VAV3: variants seen among roughly 807,000 people sequenced by gnomAD.
VAV3 encodes vav guanine nucleotide exchange factor 3, also known as guanine nucleotide exchange factor VAV3.
In VAV3, 94 loss-of-function variants were observed where a neutral mutation model predicts 131.2. The ratio of observed to expected loss-of-function variants is 0.72; its 90% CI spans 0.61 to 0.85. VAV3 has a LOEUF of 0.85. Among genes scored for constraint, VAV3 ranks in the 40% least tolerant of loss-of-function variants. The pLI, the probability that VAV3 is intolerant of heterozygous loss-of-function variation, is 0.00. For missense variants in VAV3, 939 were observed against 1,002.7 expected (o/e 0.94, Z 0.86); for synonymous variants, 349 against 342.0 (o/e 1.02, Z -0.22).
chr1:107,812,948 C>A (rs1667388299), intron 2 of VAV3, among the ~76,000 whole-genome samples: 1 of 151,744 alleles, frequency 6.6e-6, no homozygotes, highest in African/African-American at 2.4e-5. Context: ...ATGGTGAAAC[C>A]CCATCTCTAC....
At chr1:107,689,494 TTTC>T (rs1054941289) in intron 17 of VAV3, among the ~76,000 whole-genome samples, 1 of 152,136 alleles carries the variant, frequency 6.6e-6, no homozygotes, top group Non-Finnish European at 1.5e-5. Flanking sequence ...TGGTTTGTTT[TTTC>T]TTTTCTCTCT....
chr1:107,940,035 G>C (rs1431922445), intron 1 of VAV3, among the ~76,000 whole-genome samples: 1 of 152,094 alleles, frequency 6.6e-6, no homozygotes, highest in Non-Finnish European at 1.5e-5. Context: ...AAGTGATGGA[G>C]GAAAGATATC....
chr1:107,662,292 T>TA (rs927551259), intron 19 of VAV3, among the ~76,000 whole-genome samples: 10 of 152,070 alleles, frequency 6.6e-5, no homozygotes, highest in African/African-American at 1.4e-4. Context: ...ATTGTTTTTA[T>TA]AAAAAAACTA....
chr1:107,655,713 G>C (rs1656499746), intron 19 of VAV3, among the ~76,000 whole-genome samples: 1 of 152,068 alleles, frequency 6.6e-6, no homozygotes, highest in Admixed American at 6.6e-5. Flanking sequence ...TCATCTGACA[G>C]GGAATTAATA....
chr1:107,867,515 AG>A (rs1670051003), intron 2 of VAV3, among the ~76,000 whole-genome samples: 1 of 152,222 alleles, frequency 6.6e-6, no homozygotes, highest in African/African-American at 2.4e-5. Flanking sequence ...TTGTGTTAAC[AG>A]CCAGCCAGAC....
intron 20 of VAV3, among the ~76,000 whole-genome samples, chr1:107,638,058 C>G (rs1655064928): frequency 6.6e-6 from 1 of 152,096 alleles, no homozygotes; most frequent in Admixed American, 6.6e-5. Context: ...AGGCAATGTC[C>G]TCAACTTAAT....
intron 1 of VAV3, among the ~76,000 whole-genome samples, chr1:107,926,156 C>T (rs778047867): frequency 3.3e-5 from 5 of 151,906 alleles, no homozygotes; most frequent in African/African-American, 4.8e-5. Context: ...GTGGCAGGTG[C>T]GTGTAATACC....
intron 15 of VAV3, among the ~76,000 whole-genome samples, chr1:107,722,061 T>C (rs1268428000): frequency 6.6e-6 from 1 of 152,204 alleles, no homozygotes; most frequent in Non-Finnish European, 1.5e-5. Context: ...GTGGTTAGTA[T>C]CTGGGTATCC....
At chr1:107,823,410 T>C (rs892937221) in intron 2 of VAV3, among the ~76,000 whole-genome samples, 2 of 152,140 alleles carry the variant, frequency 1.3e-5, no homozygotes, top group African/African-American at 4.8e-5. Context: ...AGAGACCTAC[T>C]GTGCAGATTA....
intron 19 of VAV3, among the ~76,000 whole-genome samples, chr1:107,676,487 A>T (rs754554210): frequency 6.6e-6 from 1 of 152,250 alleles, no homozygotes; most frequent in Non-Finnish European, 1.5e-5. Context: ...TAGAGGAGAA[A>T]GGAGAACTAA....
At chr1:107,845,257 A>C (rs1668911316) in intron 2 of VAV3, among the ~76,000 whole-genome samples, 1 of 152,190 alleles carries the variant, frequency 6.6e-6, no homozygotes. Flanking sequence ...CGTCAACATC[A>C]ACGAAAAGGA....
chr1:107,687,863 A>G (rs1484830654), intron 18 of VAV3, among the ~76,000 whole-genome samples: 1 of 152,186 alleles, frequency 6.6e-6, no homozygotes, highest in Non-Finnish European at 1.5e-5. Flanking sequence ...CTAAGCCATT[A>G]GGAGACTCTA....
At chr1:107,697,690 A>T (rs1197531391) in intron 17 of VAV3, among the ~76,000 whole-genome samples, 3 of 152,156 alleles carry the variant, frequency 2.0e-5, no homozygotes, top group Admixed American at 6.6e-5. Context: ...TCATCTTAAA[A>T]TAAGAGGCCC....
chr1:107,867,952 G>C (rs1190884119), intron 2 of VAV3, among the ~76,000 whole-genome samples: 1 of 152,166 alleles, frequency 6.6e-6, no homozygotes, highest in African/African-American at 2.4e-5. Context: ...GCCTGGCCAG[G>C]CTCAATGCAA....
intron 1 of VAV3, among the ~76,000 whole-genome samples, chr1:107,937,199 A>G (rs1390131748): frequency 6.6e-6 from 1 of 152,168 alleles, no homozygotes; most frequent in Non-Finnish European, 1.5e-5. Flanking sequence ...CATACCAAGA[A>G]ATAATGTGTG....
At chr1:107,803,255 A>T (rs1221290007) in intron 2 of VAV3, among the ~76,000 whole-genome samples, 1 of 151,828 alleles carries the variant, frequency 6.6e-6, no homozygotes, top group Non-Finnish European at 1.5e-5. Flanking sequence ...AAGGTTTGTC[A>T]ATATTGTTTA....
intron 11 of VAV3, 76 bp downstream of exon 11, chr1:107,757,185 G>GTATA (rs55682924): frequency 5.0e-5 from 39 of 783,676 alleles, no homozygotes; most frequent in African/African-American, 2.5e-4. Flanking sequence ...GTGTGTGTGT[G>GTATA]TGTATGCAAT....
intron 20 of VAV3, among the ~76,000 whole-genome samples, chr1:107,625,177 C>A (rs554562288): frequency 6.6e-6 from 1 of 152,044 alleles, no homozygotes; most frequent in Non-Finnish European, 1.5e-5. Flanking sequence ...CCACAGTACT[C>A]CACTCAGTCA....
At chr1:107,875,915 G>T (rs933859999) in intron 1 of VAV3, among the ~76,000 whole-genome samples, 5 of 152,134 alleles carry the variant, frequency 3.3e-5, no homozygotes, top group African/African-American at 1.2e-4. Context: ...GGAGTCCAGG[G>T]GATAGGTGTG....
Sources: allele counts gnomAD v4.1 joint callset (sites outside exome capture counted in the v4.1 genomes callset), GRCh38; gene constraint gnomAD v4.1.1; transcripts MANE v1.5; gene names NCBI Gene and HGNC (gene_info 2026-07-23, HGNC 2026-07-21).